Variants in POLR2F observed in about 807,000 individuals in gnomAD.
POLR2F encodes RNA polymerase II, I and III subunit F.
A neutral mutation model predicts 22.7 loss-of-function variants in POLR2F; 12 were observed. The ratio of observed to expected loss-of-function variants is 0.53; its 90% CI spans 0.34 to 0.86. POLR2F has a LOEUF of 0.86. Among genes scored for constraint, POLR2F ranks in the 40% least tolerant of loss-of-function variants. POLR2F has a pLI of 0.02. For synonymous variants in POLR2F, 57 were observed against 66.0 expected (o/e 0.86, Z 0.66); for missense variants, 126 against 171.5 (o/e 0.73, Z 1.48).
intron 1 of POLR2F, among the ~76,000 whole-genome samples, chr22:38,009,726 C>T (rs2084855200): frequency 1.3e-5 from 2 of 151,948 alleles, no homozygotes; most frequent in South Asian, 4.2e-4. Context: ...GTAGATTAAT[C>T]TGTATTTTCT....
intron 3 of POLR2F, among the ~76,000 whole-genome samples, chr22:37,961,062 G>A (rs925668722): frequency 1.3e-5 from 2 of 151,108 alleles, no homozygotes; most frequent in African/African-American, 2.4e-5. Context: ...TGTTAGTCAG[G>A]ATGGTCTCCA....
At chr22:38,001,615 C>T (rs958804913) in intron 1 of POLR2F, among the ~76,000 whole-genome samples, 11 of 152,256 alleles carry the variant, frequency 7.2e-5, no homozygotes, top group Admixed American at 3.3e-4. Context: ...TCACTGCAAC[C>T]TCTGCCTCCC....
At chr22:37,962,355 G>A (rs538527132) in intron 3 of POLR2F, among the ~76,000 whole-genome samples, 101 of 152,300 alleles carry the variant, frequency 6.6e-4, no homozygotes, top group African/African-American at 2.4e-3. Flanking sequence ...AGCAGCACTG[G>A]GCTGTTGCCT....
At chr22:38,014,408 T>C (rs2084898593) in intron 1 of POLR2F, among the ~76,000 whole-genome samples, 1 of 151,370 alleles carries the variant, frequency 6.6e-6, no homozygotes. Flanking sequence ...TGGAGTGCAG[T>C]GGTGCTATCT....
At chr22:37,973,781 T>A (rs1932133744), downstream of POLR2F, 1 of 1,594,734 alleles carries the variant, frequency 6.3e-7, no homozygotes, top group African/African-American at 1.3e-5. Context: ...GGTGGATGGC[T>A]GGTCGGTGTA....
At chr22:37,963,874 G>T (rs554036164) in intron 3 of POLR2F, among the ~76,000 whole-genome samples, 1 of 152,256 alleles carries the variant, frequency 6.6e-6, no homozygotes, top group East Asian at 1.9e-4. Flanking sequence ...GGCCAAGGTG[G>T]GCGGATCACC....
chr22:37,989,721 A>G (rs1385088018), intron 1 of POLR2F, among the ~76,000 whole-genome samples: 1 of 152,224 alleles, frequency 6.6e-6, no homozygotes, highest in African/African-American at 2.4e-5. Flanking sequence ...GAATGATGAC[A>G]GGGTGTGGAC....
intron 5 of POLR2F, among the ~76,000 whole-genome samples, chr22:38,035,712 C>T (rs889001420): frequency 1.3e-5 from 2 of 152,170 alleles, no homozygotes; most frequent in Admixed American, 6.5e-5. Flanking sequence ...TGAACTGAGG[C>T]ACCCGCCGGG....
At chr22:37,956,910 T>C (rs766217173) in intron 2 of POLR2F, 68 bp downstream of exon 2, 1 of 1,165,528 alleles carries the variant, frequency 8.6e-7, no homozygotes, top group African/African-American at 1.5e-5. Context: ...AGGTGATGAT[T>C]AGCTGAATGT....
intron 1 of POLR2F, among the ~76,000 whole-genome samples, chr22:38,005,679 C>T (rs1204713920): frequency 4.6e-5 from 7 of 152,218 alleles, no homozygotes; most frequent in South Asian, 4.1e-4. Context: ...AATGGAGGGG[C>T]GATGTAATCA....
downstream of POLR2F, among the ~76,000 whole-genome samples, chr22:37,969,680 G>T (rs1931987169): frequency 6.6e-6 from 1 of 152,160 alleles, no homozygotes; most frequent in African/African-American, 2.4e-5. Context: ...AAGGGGAAAG[G>T]GTGGGTTGTA....
rs1237650195 is a variant in POLR2F at position 38,031,991 on chromosome 22, C to CT, written c.453-9069dup. On this transcript the variant is annotated intron_variant, in intron 5 of 5. Transcript: ENST00000407936. The surrounding 1 kb of genome is among the most constrained non-coding windows in gnomAD (Gnocchi z 4.1). ...GAAGTCTGGAGATTTTGTCCAGTTT[C>CT]TTTTTTTTCTTTTACTTTTTTTTTG... 2.0e-5 allele frequency among the ~76,000 whole-genome samples: 3 copies of CT among 151,886 alleles called. No individual in the cohort carries two copies. The highest frequency in any genetic ancestry group is 4.4e-5 in the Non-Finnish European group (3 of 67,960).
rs955751309 is a variant in POLR2F, at chr22:38,016,599, T to C, written c.121-9270T>C. Among the ~76,000 whole-genome samples the C allele has an allele frequency of 6.6e-6, 1 of 152,188 alleles. No homozygotes were observed. Among genetic ancestry groups the C allele is most frequent in the African/African-American group, 2.4e-5 (1 of 41,440 alleles). The stretch of plus-strand genomic sequence containing the variant: ...GCAGCTGCGCGCGACGTTGACATTG[T>C]TCCCACCATTCTAAGTGCAACAAAT... On this transcript the variant is annotated intron_variant, in intron 1 of 2. Coordinates refer to the POLR2F transcript ENST00000333418. The surrounding 1 kb of genome is among the most constrained non-coding windows in gnomAD (Gnocchi z 4.4).
intron 3 of POLR2F, among the ~76,000 whole-genome samples, chr22:37,959,803 G>GTT (rs758630099): frequency 1.8e-4 from 25 of 136,972 alleles, no homozygotes; most frequent in South Asian, 7.0e-4. Context: ...TACCAGTGTA[G>GTT]TTTTTTTTTT....
intron 1 of POLR2F, among the ~76,000 whole-genome samples, chr22:37,995,280 G>A (rs560179071): frequency 1.7e-4 from 26 of 152,284 alleles, no homozygotes; most frequent in Admixed American, 9.2e-4. Context: ...ATGTGAGCAC[G>A]CAGCAGATGC....
intron 4 of POLR2F, among the ~76,000 whole-genome samples, chr22:37,976,186 G>A (rs1932214159): frequency 6.6e-6 from 1 of 152,194 alleles, no homozygotes; most frequent in African/African-American, 2.4e-5. Flanking sequence ...TGGCACCGCT[G>A]CACTGCAGCC....
At chr22:37,976,091 C>T (rs544950950) in intron 4 of POLR2F, among the ~76,000 whole-genome samples, 2 of 152,110 alleles carry the variant, frequency 1.3e-5, no homozygotes, top group South Asian at 2.1e-4. Flanking sequence ...GGTGTGGTGG[C>T]GTGCATCTGT....
chr22:37,963,288 G>T (rs1931723333), intron 3 of POLR2F, among the ~76,000 whole-genome samples: 1 of 151,846 alleles, frequency 6.6e-6, no homozygotes, highest in African/African-American at 2.4e-5. Flanking sequence ...ACCACGCCCA[G>T]CCTTTTCTTT....
At chr22:37,990,310 CG>C (rs1040991128) in intron 1 of POLR2F, among the ~76,000 whole-genome samples, 2 of 152,228 alleles carry the variant, frequency 1.3e-5, no homozygotes, top group Non-Finnish European at 1.5e-5. Flanking sequence ...AGGCAGCTCC[CG>C]GGGTTGGAAT....
Sources: gnomAD v4.1 joint callset for allele counts (sites outside exome capture counted in the v4.1 genomes callset) on GRCh38, gnomAD v4.1.1 for gene constraint, Gnocchi (gnomAD v3.1) non-coding constraint, MANE v1.5 for transcripts, NCBI Gene and HGNC (gene_info 2026-07-23, HGNC 2026-07-21) for gene names.